Variants in TMEM178B observed in about 807,000 individuals in gnomAD.
TMEM178B encodes the protein transmembrane protein 178B.
TMEM178B carries 5 observed loss-of-function variants against 31.0 expected under a neutral mutation model. The observed-to-expected ratio is 0.16, with a 90% confidence interval of 0.08 to 0.34. The LOEUF is 0.34. Among genes scored for constraint, TMEM178B ranks in the 10% least tolerant of loss-of-function variants. The probability of loss-of-function intolerance (pLI) is 1.00; values close to 1 mark genes in which losing one functional copy is unlikely to be tolerated. For synonymous variants in TMEM178B, 164 were observed against 164.0 expected, an observed-to-expected ratio of 1.00 and a Z score of 0.00; for missense variants, 275 against 400.3, an observed-to-expected ratio of 0.69 and a Z score of 2.67.
intron 2 of TMEM178B, among the ~76,000 whole-genome samples, chr7:141,365,546 T>C (rs1799989747): frequency 6.6e-6 from 1 of 152,200 alleles, no homozygotes. Context: ...AGGAAATGTA[T>C]GTAAAGATCT....
At chr7:141,379,275 T>C (rs941887227) in intron 2 of TMEM178B, among the ~76,000 whole-genome samples, 8 of 150,498 alleles carry the variant, frequency 5.3e-5, no homozygotes, top group African/African-American at 1.7e-4. Flanking sequence ...AAGACCAGCC[T>C]GGTCATCATA....
intron 2 of TMEM178B, among the ~76,000 whole-genome samples, chr7:141,367,121 G>A (rs1390114760): frequency 6.6e-6 from 1 of 151,970 alleles, no homozygotes; most frequent in African/African-American, 2.4e-5. Context: ...TGGGTGGCCA[G>A]GGCCTGTGAA....
At chr7:141,328,490 G>C (rs897220133) in intron 2 of TMEM178B, among the ~76,000 whole-genome samples, 5 of 152,190 alleles carry the variant, frequency 3.3e-5, no homozygotes, top group African/African-American at 1.2e-4. Flanking sequence ...AGATGAGACA[G>C]CTGGGCCACT....
At chr7:141,383,618 T>C (rs1350766565) in intron 2 of TMEM178B, among the ~76,000 whole-genome samples, 2 of 152,302 alleles carry the variant, frequency 1.3e-5, no homozygotes, top group African/African-American at 2.4e-5. Flanking sequence ...CAGTATATCA[T>C]TGATGGACAT....
At chr7:141,397,804 A>G (rs1456314051) in intron 2 of TMEM178B, among the ~76,000 whole-genome samples, 1 of 152,204 alleles carries the variant, frequency 6.6e-6, no homozygotes, top group African/African-American at 2.4e-5. Context: ...GTGTAATGAC[A>G]AGAATGCATC....
At chr7:141,227,613 G>T (rs1313740618) in intron 2 of TMEM178B, among the ~76,000 whole-genome samples, 2 of 152,172 alleles carry the variant, frequency 1.3e-5, no homozygotes, top group African/African-American at 4.8e-5. Flanking sequence ...AAATGCATCT[G>T]TCAGCCAGGC....
intron 2 of TMEM178B, among the ~76,000 whole-genome samples, chr7:141,278,858 C>T (rs866952382): frequency 2.6e-5 from 4 of 151,994 alleles, no homozygotes; most frequent in Admixed American, 6.6e-5. Context: ...AAAGTTCCAA[C>T]GGGCAAAATA....
chr7:141,149,332 G>A (rs1378095049), intron 1 of TMEM178B, among the ~76,000 whole-genome samples: 1 of 152,176 alleles, frequency 6.6e-6, no homozygotes, highest in African/African-American at 2.4e-5. Context: ...CAAGGTGGGT[G>A]GATTGCTTGA....
At chr7:141,158,256 C>T (rs779952615) in intron 1 of TMEM178B, among the ~76,000 whole-genome samples, 4 of 152,024 alleles carry the variant, frequency 2.6e-5, no homozygotes, top group Admixed American at 6.6e-5. Flanking sequence ...CCACCATGCC[C>T]GGCTAATTTT....
chr7:141,259,690 A>G (rs1346493482), intron 2 of TMEM178B, among the ~76,000 whole-genome samples: 1 of 151,966 alleles, frequency 6.6e-6, no homozygotes, highest in Non-Finnish European at 1.5e-5. Context: ...TTTACTTCTC[A>G]TTTTTATTTT....
At chr7:141,500,280 G>A in the TMEM178B span, among the ~76,000 whole-genome samples, 1 of 152,146 alleles carries the variant, frequency 6.6e-6, no homozygotes, top group Non-Finnish European at 1.5e-5. Context: ...TCAGACAGGT[G>A]TACAAGGTGA....
At chr7:141,300,280 T>G (rs1798701693) in intron 2 of TMEM178B, among the ~76,000 whole-genome samples, 1 of 152,138 alleles carries the variant, frequency 6.6e-6, no homozygotes, top group South Asian at 2.1e-4. Context: ...AGGCATTGAA[T>G]CCAGTGGGAT....
Position 141,459,329 on chromosome 7 carries a change from A to G in TMEM178B, c.635-11207A>G, listed in dbSNP as rs566048038. Among the ~76,000 whole-genome samples, 5 of 152,268 alleles carry G rather than the reference A, an allele frequency of 3.3e-5. No homozygotes were observed. In the South Asian group the frequency reaches 1.0e-3, roughly 32 times the overall value. ...AGGTGTGAGCCACCACGCCCGGCCA[A>G]TGTTCATATTTTTAGTTATAAGCTG... On this transcript the variant is annotated intron_variant, in intron 3 of 3. Coordinates refer to ENST00000565468, the MANE Select transcript of TMEM178B (RefSeq NM_001195278.2).
chr7:141,239,805 G>T (rs534269743), intron 2 of TMEM178B, among the ~76,000 whole-genome samples: 28 of 151,938 alleles, frequency 1.8e-4, no homozygotes, highest in African/African-American at 6.0e-4. Context: ...TGGTGGATCT[G>T]CTTCTAGAAT....
chr7:141,380,347 A>G (rs1180670338), intron 2 of TMEM178B, among the ~76,000 whole-genome samples: 1 of 152,198 alleles, frequency 6.6e-6, no homozygotes, highest in Non-Finnish European at 1.5e-5. Flanking sequence ...AGGAGACTCT[A>G]TGTTTCTTAT....
chr7:141,130,961 G>A (rs1795584456), intron 1 of TMEM178B, among the ~76,000 whole-genome samples: 1 of 152,158 alleles, frequency 6.6e-6, no homozygotes, highest in Admixed American at 6.5e-5. Flanking sequence ...TTTTATAGCT[G>A]ACCCTCTCCC....
intron 1 of TMEM178B, among the ~76,000 whole-genome samples, chr7:141,176,416 T>A (rs1796435734): frequency 6.6e-6 from 1 of 152,154 alleles, no homozygotes; most frequent in Non-Finnish European, 1.5e-5. Context: ...GGCCTGAAAT[T>A]TTCTTTTTTT....
the TMEM178B span, among the ~76,000 whole-genome samples, chr7:141,488,532 C>T: frequency 0.055 from 8,397 of 152,110 alleles, 323 homozygotes; most frequent in East Asian, 0.2. Context: ...CTCTGCCTCC[C>T]GGGTTCAAGT....
intron 2 of TMEM178B, among the ~76,000 whole-genome samples, chr7:141,230,103 T>G (rs1029698676): frequency 6.6e-6 from 1 of 152,224 alleles, no homozygotes; most frequent in African/African-American, 2.4e-5. Context: ...TTACTTAACC[T>G]TTCTTCTAAA....
Sources: gnomAD v4.1 joint callset for allele counts (sites outside exome capture counted in the v4.1 genomes callset) on GRCh38, gnomAD v4.1.1 for gene constraint, MANE v1.5 for transcripts, NCBI Gene and HGNC (gene_info 2026-07-23, HGNC 2026-07-21) for gene names.